The following ELF1 variants were observed in gnomAD, a reference collection of about 807,000 sequenced individuals.
ELF1 encodes the protein E74 like ETS transcription factor 1.
A neutral mutation model predicts 59.9 loss-of-function variants in ELF1; 24 were observed. That is an observed-to-expected ratio of 0.40 (90% confidence interval 0.29 to 0.56). ELF1 has a LOEUF of 0.56. Among genes scored for constraint, ELF1 ranks in the 20% least tolerant of loss-of-function variants. The pLI is 0.44. For synonymous variants in ELF1, 248 were observed against 266.2 expected, an observed-to-expected ratio of 0.93 and a Z score of 0.67; for missense variants, 627 against 742.2, an observed-to-expected ratio of 0.84 and a Z score of 1.80.
chr13:40,943,636 G>A (rs1387111623), intron 6 of ELF1, among the ~76,000 whole-genome samples: 1 of 152,098 alleles, frequency 6.6e-6, no homozygotes, highest in Non-Finnish European at 1.5e-5. Flanking sequence ...AGATTATTTT[G>A]ACAGGTAAGT....
intron 4 of ELF1, among the ~76,000 whole-genome samples, chr13:40,951,093 C>T (rs1195060737): frequency 2.6e-5 from 4 of 152,174 alleles, no homozygotes. Context: ...GCATGATCTT[C>T]TATTTGGTAA....
chr13:41,019,331 T>TC, upstream of ELF1: 1 of 985,458 alleles, frequency 1.0e-6, no homozygotes, highest in Non-Finnish European at 1.2e-6. Flanking sequence ...AAGTGGTGTC[T>TC]GTGCTTCAGC....
At chr13:41,018,776 T>C (rs1303835802) in intron 1 of ELF1, among the ~76,000 whole-genome samples, 1 of 152,100 alleles carries the variant, frequency 6.6e-6, no homozygotes, top group Non-Finnish European at 1.5e-5. Context: ...GTCCCAAAAC[T>C]TCACCCTTAG....
chr13:41,035,847 C>T (rs200045289), intron 1 of ELF1, among the ~76,000 whole-genome samples: 28 of 145,394 alleles, frequency 1.9e-4, no homozygotes, highest in Admixed American at 7.5e-4. Flanking sequence ...AAAAAAAAAA[C>T]AACAACAACA....
At chr13:41,006,838 T>A (rs1057092795) in intron 1 of ELF1, among the ~76,000 whole-genome samples, 2 of 152,220 alleles carry the variant, frequency 1.3e-5, no homozygotes, top group Non-Finnish European at 2.9e-5. Flanking sequence ...AAAATCTTAA[T>A]GGTATTTTTC....
chr13:41,053,540 C>G (rs191938962), intron 1 of ELF1, among the ~76,000 whole-genome samples: 2 of 152,064 alleles, frequency 1.3e-5, no homozygotes, highest in African/African-American at 4.8e-5. Flanking sequence ...AATTGCTGAC[C>G]CCAGATGGCT....
chr13:40,967,438 G>C (rs1566174888), intron 2 of ELF1, among the ~76,000 whole-genome samples: 1 of 152,146 alleles, frequency 6.6e-6, no homozygotes, highest in Admixed American at 6.5e-5. Context: ...ATTGTTGTAA[G>C]AATAATGTGT....
chr13:40,976,284 G>A (rs1242533862), intron 2 of ELF1, among the ~76,000 whole-genome samples: 1 of 152,166 alleles, frequency 6.6e-6, no homozygotes, highest in African/African-American at 2.4e-5. Flanking sequence ...AAGAGAATCT[G>A]TTAAAAGTTT....
At chr13:40,939,316 C>CA (rs199933446) in intron 8 of ELF1, among the ~76,000 whole-genome samples, 2 of 151,556 alleles carry the variant, frequency 1.3e-5, no homozygotes, top group Admixed American at 6.6e-5. Context: ...GACTTTGTCT[C>CA]AAAAAAACAA....
intron 1 of ELF1, among the ~76,000 whole-genome samples, chr13:41,040,193 G>T (rs1210137750): frequency 6.6e-6 from 1 of 152,088 alleles, no homozygotes; most frequent in Non-Finnish European, 1.5e-5. Flanking sequence ...CAAAGATGTA[G>T]ATATATATTC....
chr13:40,961,763 C>T (rs1871837535), intron 2 of ELF1, among the ~76,000 whole-genome samples: 1 of 152,272 alleles, frequency 6.6e-6, no homozygotes, highest in Non-Finnish European at 1.5e-5. Flanking sequence ...AGCTCCTGGT[C>T]TTCTAACAAG....
chr13:40,940,376 T>C lies in ELF1; in HGVS notation c.1256+545A>G, dbSNP rs987419421. Among the ~76,000 whole-genome samples, 133 of 129,014 alleles carry C rather than the reference T, an allele frequency of 1.0e-3. 1 individual carries two copies. Among genetic ancestry groups the C allele is most frequent in the African/African-American group, 4.3e-3 (125 of 29,382 alleles). 84.6% of individuals were successfully genotyped at this position (129,014 alleles called of 152,430 possible). On this transcript the variant is annotated intron_variant, in intron 8 of 8. Coordinates refer to ENST00000239882, the MANE Select transcript of ELF1 (RefSeq NM_172373.4). ...TCATCCTGGGGCTCTGAGGCAAATC[T>C]GATTTAACTGAAAAAAAAAAAAAAA... is the stretch of plus-strand genomic sequence containing the variant.
At chr13:41,018,315 T>C (rs1875540820) in intron 1 of ELF1, among the ~76,000 whole-genome samples, 1 of 152,182 alleles carries the variant, frequency 6.6e-6, no homozygotes. Context: ...CAATGACAAG[T>C]ACTTCAGGAA....
intron 1 of ELF1, among the ~76,000 whole-genome samples, chr13:40,984,381 A>G (rs1275955651): frequency 1.3e-5 from 2 of 152,186 alleles, no homozygotes; most frequent in East Asian, 3.8e-4. Context: ...CCGGGGCAAC[A>G]TAGCAAGACC....
At chr13:40,990,039 A>G (rs182863672) in intron 1 of ELF1, among the ~76,000 whole-genome samples, 2 of 152,322 alleles carry the variant, frequency 1.3e-5, no homozygotes, top group East Asian at 3.9e-4. Flanking sequence ...TAGATTAAGT[A>G]TGATGAACAT....
upstream of ELF1, among the ~76,000 whole-genome samples, chr13:41,020,379 G>A (rs968328321): frequency 6.6e-6 from 1 of 152,112 alleles, no homozygotes; most frequent in Non-Finnish European, 1.5e-5. Flanking sequence ...CCTTCGTCCT[G>A]GTATCTTACA....
intron 1 of ELF1, among the ~76,000 whole-genome samples, chr13:41,048,718 T>C (rs907579423): frequency 6.6e-6 from 1 of 151,836 alleles, no homozygotes; most frequent in African/African-American, 2.4e-5. Context: ...TAGCCGAAGG[T>C]ATTTTTTTAA....
chr13:40,982,311 G>GT, intron 1 of ELF1, 29 bp from the exon 2 acceptor site: 1 of 1,207,680 alleles, frequency 8.3e-7, no homozygotes, highest in Non-Finnish European at 1.0e-6. Context: ...GATTAGTTAT[G>GT]AAAAAGCAAT....
intron 1 of ELF1, among the ~76,000 whole-genome samples, chr13:40,986,383 T>C (rs1593380049): frequency 6.6e-6 from 1 of 152,194 alleles, no homozygotes. Flanking sequence ...ATGTGCAGAA[T>C]ACTTGGCACA....
Sources: allele counts gnomAD v4.1 joint callset (sites outside exome capture counted in the v4.1 genomes callset), GRCh38; gene constraint gnomAD v4.1.1; transcripts MANE v1.5; gene names NCBI Gene and HGNC (gene_info 2026-07-23, HGNC 2026-07-21).